DAB1: variants seen among roughly 807,000 people sequenced by gnomAD.
DAB1 encodes DAB adaptor protein 1.
Under a neutral mutation model 64.6 loss-of-function variants are expected in DAB1, and 15 were observed. The observed-to-expected ratio is 0.23, with a 90% CI of 0.16 to 0.36. The LOEUF is 0.36. Among genes scored for constraint, DAB1 ranks in the 10% least tolerant of loss-of-function variants. The probability of loss-of-function intolerance (pLI) is 1.00; values close to 1 mark genes in which losing one functional copy is unlikely to be tolerated. For synonymous variants in DAB1, 235 were observed against 251.9 expected (o/e 0.93, Z 0.64); for missense variants, 596 against 706.7 (o/e 0.84, Z 1.78).
intron 3 of DAB1, among the ~76,000 whole-genome samples, chr1:58,386,904 T>C (rs1163254743): frequency 6.6e-6 from 1 of 151,916 alleles, no homozygotes; most frequent in Non-Finnish European, 1.5e-5. Context: ...CTACTAAAAA[T>C]ACAAAATTAG....
intron 4 of DAB1, among the ~76,000 whole-genome samples, chr1:58,269,344 T>G (rs1322660067): frequency 2.0e-5 from 3 of 151,346 alleles, no homozygotes; most frequent in Admixed American, 6.6e-5. Flanking sequence ...GGACATGAAC[T>G]CATCATTTTT....
At chr1:58,000,005 G>A (rs1277673332) in intron 5 of DAB1, among the ~76,000 whole-genome samples, 1 of 151,622 alleles carries the variant, frequency 6.6e-6, no homozygotes, top group South Asian at 2.1e-4. Flanking sequence ...AGAAAGAAAG[G>A]GAGGAAGAGA....
intron 3 of DAB1, among the ~76,000 whole-genome samples, chr1:58,433,252 T>C (rs1242269827): frequency 6.6e-6 from 1 of 151,842 alleles, no homozygotes; most frequent in African/African-American, 2.4e-5. Context: ...GAGTAAATAG[T>C]AGGGAGGGTA....
At chr1:58,397,877 A>G (rs1427961097) in intron 3 of DAB1, among the ~76,000 whole-genome samples, 1 of 152,164 alleles carries the variant, frequency 6.6e-6, no homozygotes, top group Non-Finnish European at 1.5e-5. Flanking sequence ...CTGCATTGTT[A>G]AGGTAATTAA....
At chr1:57,093,618 C>T (rs72905293) in intron 4 of DAB1, among the ~76,000 whole-genome samples, 4,996 of 152,210 alleles carry the variant, frequency 0.033, 196 homozygotes, top group African/African-American at 0.089. Flanking sequence ...TTATAATAAG[C>T]TTCCAATAAA....
chr1:58,221,113 T>TAC (rs1458753130), intron 4 of DAB1, among the ~76,000 whole-genome samples: 1 of 151,586 alleles, frequency 6.6e-6, no homozygotes, highest in Non-Finnish European at 1.5e-5. Context: ...TACAAATGTG[T>TAC]ACACACACAC....
intron 5 of DAB1, among the ~76,000 whole-genome samples, chr1:58,021,060 T>A (rs538849112): frequency 1.3e-4 from 20 of 152,258 alleles, no homozygotes; most frequent in Non-Finnish European, 2.2e-4. Flanking sequence ...GTTCTCAAAT[T>A]ATGTCAACCA....
rs1553174560 is a variant in DAB1 at position 57,377,281 on chromosome 1, A to AAG, written c.-137+46648_-137+46649insCT. On this transcript the variant is annotated intron_variant, in intron 1 of 14. Transcript: ENST00000371236. The stretch of plus-strand genomic sequence containing the variant: ...TGAGACTCCATCTTAAAAAAAAAAA[A>AAG]AAAAGAAAAGAAAAGGCAGGCCACT... 6.4e-3 allele frequency among the ~76,000 whole-genome samples: 945 copies of AAG among 146,542 alleles called. 10 individuals carry two copies. Among genetic ancestry groups the AAG allele is most frequent in the African/African-American group, 0.021 (819 of 39,330 alleles).
chr1:58,332,553 A>G (rs1662995505), intron 4 of DAB1, among the ~76,000 whole-genome samples: 1 of 152,206 alleles, frequency 6.6e-6, no homozygotes, highest in Non-Finnish European at 1.5e-5. Context: ...TGCATACATA[A>G]ATTAAAAATA....
chr1:58,034,514 G>T (rs986722589), intron 5 of DAB1, among the ~76,000 whole-genome samples: 2 of 152,208 alleles, frequency 1.3e-5, no homozygotes, highest in Non-Finnish European at 2.9e-5. Flanking sequence ...AACTTGCTGT[G>T]CAATAATAGA....
chr1:58,122,729 C>T (rs1401723849), intron 5 of DAB1, among the ~76,000 whole-genome samples: 3 of 152,162 alleles, frequency 2.0e-5, no homozygotes, highest in Non-Finnish European at 4.4e-5. Flanking sequence ...CCTCTCTGAG[C>T]TTCATGTCTT....
intron 2 of DAB1, among the ~76,000 whole-genome samples, chr1:57,258,797 G>T (rs1252831457): frequency 6.6e-6 from 1 of 152,094 alleles, no homozygotes. Context: ...GGAGTGGGAA[G>T]GTGGGAGGTG....
intron 6 of DAB1, among the ~76,000 whole-genome samples, chr1:57,675,902 A>T (rs1646560841): frequency 6.6e-6 from 1 of 152,156 alleles, no homozygotes; most frequent in Non-Finnish European, 1.5e-5. Flanking sequence ...CTTCAAGAAG[A>T]AATAGAAACA....
chr1:57,015,749 C>G (rs895643355), intron 11 of DAB1, among the ~76,000 whole-genome samples: 18 of 152,190 alleles, frequency 1.2e-4, no homozygotes, highest in African/African-American at 4.3e-4. Flanking sequence ...AGGGACAGGG[C>G]AGAAGGATGG....
At chr1:58,008,554 G>C (rs957502470) in intron 5 of DAB1, among the ~76,000 whole-genome samples, 4 of 152,110 alleles carry the variant, frequency 2.6e-5, no homozygotes, top group African/African-American at 9.7e-5. Flanking sequence ...GGAAATCATG[G>C]ATAAAGATCA....
chr1:57,167,995 T>C (rs1661363283), intron 2 of DAB1, among the ~76,000 whole-genome samples: 2 of 152,194 alleles, frequency 1.3e-5, no homozygotes, highest in Admixed American at 1.3e-4. Flanking sequence ...TTTGATTTCT[T>C]CTTTTCCTTA....
chr1:57,489,641 A>G (rs938082020), intron 7 of DAB1, among the ~76,000 whole-genome samples: 3 of 151,436 alleles, frequency 2.0e-5, no homozygotes, highest in Non-Finnish European at 2.9e-5. Context: ...TGTCTAACCC[A>G]GGGCCTATCT....
intron 6 of DAB1, among the ~76,000 whole-genome samples, chr1:57,796,129 G>A (rs1202555211): frequency 6.6e-6 from 1 of 151,990 alleles, no homozygotes; most frequent in Non-Finnish European, 1.5e-5. Context: ...CAGTTGGCAG[G>A]AAAAATAAAA....
intron 2 of DAB1, among the ~76,000 whole-genome samples, chr1:57,233,831 G>T (rs4082687): frequency 0.011 from 1,686 of 152,172 alleles, 22 homozygotes; most frequent in Middle Eastern, 0.021. Context: ...ACTGAGAAAG[G>T]AAAGAGAAAC....
Sources: allele counts gnomAD v4.1 joint callset (sites outside exome capture counted in the v4.1 genomes callset), GRCh38; gene constraint gnomAD v4.1.1; transcripts MANE v1.5; gene names NCBI Gene and HGNC (gene_info 2026-07-23, HGNC 2026-07-21).